DPP10: variants seen among roughly 807,000 people sequenced by gnomAD.
The protein encoded by DPP10 is dipeptidyl peptidase like 10, also known as inactive dipeptidyl peptidase 10.
DPP10 carries 33 observed loss-of-function variants against 120.9 expected under a neutral mutation model. The observed-to-expected ratio is 0.27, with a 90% CI of 0.21 to 0.37. The LOEUF is 0.37. Among genes scored for constraint, DPP10 ranks in the 10% least tolerant of loss-of-function variants. DPP10 has a pLI of 1.00. For synonymous variants in DPP10, 337 were observed against 326.1 expected (o/e 1.03, Z -0.36); for missense variants, 816 against 942.8 (o/e 0.87, Z 1.76).
At chr2:115,022,881 C>T (rs1415092996) in intron 1 of DPP10, among the ~76,000 whole-genome samples, 1 of 152,004 alleles carries the variant, frequency 6.6e-6, no homozygotes, top group East Asian at 1.9e-4. Context: ...ACAAAGCAAA[C>T]AAAAGCATGT....
intron 5 of DPP10, among the ~76,000 whole-genome samples, chr2:115,551,648 T>C (rs2079880067): frequency 6.6e-6 from 1 of 152,170 alleles, no homozygotes; most frequent in Non-Finnish European, 1.5e-5. Flanking sequence ...TTCTGCCTCT[T>C]GGGCAGTTTC....
intron 24 of DPP10, among the ~76,000 whole-genome samples, chr2:115,839,706 G>A (rs1553520838): frequency 6.8e-6 from 1 of 146,726 alleles, no homozygotes; most frequent in Non-Finnish European, 1.5e-5. Flanking sequence ...GCTTAAACAT[G>A]AGTTACAGAA....
chr2:114,910,026 G>GTA lies in DPP10; in HGVS notation c.61-399201_61-399200dup, dbSNP rs200254332. 7.8e-4 allele frequency among the ~76,000 whole-genome samples: 118 copies of GTA among 150,758 alleles called. 2 individuals are homozygous for GTA. The highest frequency in any genetic ancestry group is 3.4e-3 in the Middle Eastern group (1 of 290). Reference sequence around the variant, plus strand: ...TATATCTATATATAAACATGTGTGTGTATATATATATATTTATATATAGCT... The same window carrying GTA: ...TATATCTATATATAAACATGTGTGTGTATATATATATATATTTATATATAGCT... On this transcript the variant is annotated intron_variant, in intron 1 of 25. Transcript: ENST00000410059.
chr2:114,900,239 A>G (rs1693443236), intron 1 of DPP10, among the ~76,000 whole-genome samples: 1 of 152,256 alleles, frequency 6.6e-6, no homozygotes, highest in African/African-American at 2.4e-5. Flanking sequence ...GTAAAACAGA[A>G]TAATAATTCT....
At chr2:115,442,968 G>A (rs1008289958) in intron 3 of DPP10, among the ~76,000 whole-genome samples, 11 of 152,140 alleles carry the variant, frequency 7.2e-5, no homozygotes, top group African/African-American at 2.7e-4. Flanking sequence ...AGGAAGGTCT[G>A]TAACAATGAT....
intron 3 of DPP10, among the ~76,000 whole-genome samples, chr2:115,385,538 G>C (rs1026675892): frequency 6.6e-6 from 1 of 151,898 alleles, no homozygotes. Context: ...TGTGTTTTTA[G>C]TAGAGCTGGG....
intron 1 of DPP10, among the ~76,000 whole-genome samples, chr2:115,079,372 C>CAAAAAAAAGAA (rs1708072067): frequency 6.8e-6 from 1 of 146,400 alleles, no homozygotes; most frequent in African/African-American, 2.5e-5. Flanking sequence ...TCTCAAAAAA[C>CAAAAAAAAGAA]AAAAAAAAAG....
intron 1 of DPP10, among the ~76,000 whole-genome samples, chr2:115,160,571 C>T (rs1285107591): frequency 6.6e-6 from 1 of 152,156 alleles, no homozygotes; most frequent in Non-Finnish European, 1.5e-5. Context: ...CTGGAACTGT[C>T]TTGTGCTGAA....
chr2:115,701,611 C>G (rs115387166), intron 7 of DPP10, among the ~76,000 whole-genome samples: 30 of 152,026 alleles, frequency 2.0e-4, no homozygotes, highest in African/African-American at 6.3e-4. Context: ...TAGATTTTAT[C>G]AAAACTTAAA....
chr2:115,355,838 T>C (rs1055140149), intron 3 of DPP10, among the ~76,000 whole-genome samples: 21 of 152,192 alleles, frequency 1.4e-4, no homozygotes, highest in African/African-American at 5.1e-4. Flanking sequence ...CTTATTTTTG[T>C]CAGGTTTGTA....
intron 1 of DPP10, among the ~76,000 whole-genome samples, chr2:115,046,551 T>A (rs1349067957): frequency 2.6e-5 from 4 of 152,122 alleles, no homozygotes; most frequent in Admixed American, 2.0e-4. Flanking sequence ...TAAGAGTGGG[T>A]GATAACTGTT....
At chr2:115,271,374 T>C (rs1310766917) in intron 1 of DPP10, among the ~76,000 whole-genome samples, 2 of 152,222 alleles carry the variant, frequency 1.3e-5, no homozygotes, top group Non-Finnish European at 2.9e-5. Flanking sequence ...GTGAAAACTA[T>C]GCACTTTCCT....
At chr2:114,704,968 A>G (rs539565532) in intron 1 of DPP10, among the ~76,000 whole-genome samples, 3 of 152,184 alleles carry the variant, frequency 2.0e-5, no homozygotes, top group Non-Finnish European at 4.4e-5. Flanking sequence ...GTAGCCATCT[A>G]CAAGCCAATG....
intron 1 of DPP10, among the ~76,000 whole-genome samples, chr2:114,715,028 C>G (rs1701263667): frequency 6.6e-6 from 1 of 152,116 alleles, no homozygotes; most frequent in Admixed American, 6.5e-5. Context: ...AATATTATGT[C>G]ACATTTCCTA....
chr2:115,081,945 G>A (rs987749173), intron 1 of DPP10, among the ~76,000 whole-genome samples: 2 of 152,130 alleles, frequency 1.3e-5, no homozygotes, highest in East Asian at 3.9e-4. Flanking sequence ...GCCTCTGCTA[G>A]GAAATCAAAT....
intron 1 of DPP10, among the ~76,000 whole-genome samples, chr2:115,013,655 A>G: frequency 6.8e-6 from 1 of 147,430 alleles, no homozygotes; most frequent in Admixed American, 6.7e-5. Context: ...AGCAAATGGA[A>G]AGCAAAAAAA....
intron 1 of DPP10, among the ~76,000 whole-genome samples, chr2:114,864,427 T>C (rs1205912717): frequency 1.3e-5 from 2 of 152,086 alleles, no homozygotes; most frequent in Admixed American, 6.6e-5. Flanking sequence ...ATAAAACAAG[T>C]GTTATTAAAG....
intron 1 of DPP10, among the ~76,000 whole-genome samples, chr2:114,512,833 G>A (rs552466480): frequency 7.4e-4 from 112 of 151,752 alleles, no homozygotes; most frequent in African/African-American, 2.5e-3. Flanking sequence ...AAGGATCAGG[G>A]ACTGCTTGTT....
intron 3 of DPP10, among the ~76,000 whole-genome samples, chr2:115,465,787 A>C (rs188536302): frequency 0.011 from 1,674 of 152,266 alleles, 30 homozygotes; most frequent in African/African-American, 0.039. Flanking sequence ...GTGCCACTGC[A>C]CTCCAGCCTG....
Sources: allele counts gnomAD v4.1 joint callset (sites outside exome capture counted in the v4.1 genomes callset), GRCh38; gene constraint gnomAD v4.1.1; transcripts MANE v1.5; gene names NCBI Gene and HGNC (gene_info 2026-07-23, HGNC 2026-07-21).